The following NRXN3 variants were observed in gnomAD, a reference collection of about 807,000 sequenced individuals.
NRXN3 encodes neurexin 3.
In NRXN3, 32 loss-of-function variants were observed where a neutral mutation model predicts 137.6. The observed-to-expected ratio is 0.23, with a 90% CI of 0.18 to 0.31. NRXN3 has a LOEUF of 0.31. NRXN3 is among the 10% of genes least tolerant of loss of function. The pLI is 1.00. For synonymous variants in NRXN3, 798 were observed against 784.5 expected (o/e 1.02, Z -0.29); for missense variants, 1,574 against 2,062.5 (o/e 0.76, Z 4.59).
intron 20 of NRXN3, among the ~76,000 whole-genome samples, chr14:79,855,816 T>C (rs933557136): frequency 6.6e-6 from 1 of 152,190 alleles, no homozygotes; most frequent in Non-Finnish European, 1.5e-5. Flanking sequence ...ATACTTGATA[T>C]GCATTATTTT....
At chr14:79,486,804 A>G (rs1169448191) in intron 16 of NRXN3, among the ~76,000 whole-genome samples, 1 of 152,196 alleles carries the variant, frequency 6.6e-6, no homozygotes, top group Non-Finnish European at 1.5e-5. Context: ...TGAATGATGA[A>G]GAAGGAGAGG....
chr14:78,227,345 G>T (rs985796124), intron 1 of NRXN3, among the ~76,000 whole-genome samples: 1 of 150,668 alleles, frequency 6.6e-6, no homozygotes, highest in East Asian at 1.9e-4. Flanking sequence ...GTAGATGGGA[G>T]TTGAAAAAAA....
At chr14:79,506,227 A>T (rs1203077982) in intron 16 of NRXN3, among the ~76,000 whole-genome samples, 1 of 152,212 alleles carries the variant, frequency 6.6e-6, no homozygotes, top group East Asian at 1.9e-4. Context: ...CAAAAGAATG[A>T]CTACCAAGAA....
chr14:78,631,658 A>G (rs2097524080), intron 4 of NRXN3, among the ~76,000 whole-genome samples: 1 of 152,194 alleles, frequency 6.6e-6, no homozygotes, highest in Admixed American at 6.5e-5. Flanking sequence ...TCACAAATCA[A>G]CTAACCATTT....
At chr14:79,738,338 C>CAT (rs1223177355) in intron 19 of NRXN3, among the ~76,000 whole-genome samples, 4 of 149,942 alleles carry the variant, frequency 2.7e-5, no homozygotes, top group African/African-American at 9.9e-5. Context: ...CACACACACA[C>CAT]ACACACACAC....
At chr14:78,214,454 A>C (rs1195964778) in intron 1 of NRXN3, among the ~76,000 whole-genome samples, 2 of 152,152 alleles carry the variant, frequency 1.3e-5, no homozygotes, top group Non-Finnish European at 2.9e-5. Flanking sequence ...AGAAATTTCC[A>C]AAATTCCTGA....
chr14:78,681,988 C>T (rs1429007029), intron 6 of NRXN3, among the ~76,000 whole-genome samples: 1 of 152,104 alleles, frequency 6.6e-6, no homozygotes, highest in Non-Finnish European at 1.5e-5. Flanking sequence ...CTGCCTCAGC[C>T]TCTCCAGTAG....
At chr14:79,286,038 T>TG (rs1278268954) in intron 15 of NRXN3, among the ~76,000 whole-genome samples, 5 of 152,172 alleles carry the variant, frequency 3.3e-5, no homozygotes, top group Non-Finnish European at 5.9e-5. Flanking sequence ...TTTACAGATA[T>TG]GGGGAAAAAA....
At chr14:78,821,551 T>C (rs1020051774) in intron 10 of NRXN3, among the ~76,000 whole-genome samples, 1 of 152,032 alleles carries the variant, frequency 6.6e-6, no homozygotes, top group Non-Finnish European at 1.5e-5. Flanking sequence ...GCAGCAAATG[T>C]GTGTCAGATA....
chr14:78,741,070 T>C (rs960363724), intron 8 of NRXN3, among the ~76,000 whole-genome samples: 2 of 152,134 alleles, frequency 1.3e-5, no homozygotes, highest in African/African-American at 4.8e-5. Flanking sequence ...GCATGTTAGG[T>C]AGAGAAACCT....
intron 19 of NRXN3, among the ~76,000 whole-genome samples, chr14:79,719,259 G>GTA (rs200272866): frequency 1.4e-3 from 101 of 72,020 alleles, no homozygotes; most frequent in African/African-American, 4.4e-3. Flanking sequence ...ATATGTGTGT[G>GTA]TGTGTGTGTG....
At chr14:79,248,782 C>G (rs531671019) in intron 15 of NRXN3, 4 of 152,294 alleles carry the variant, frequency 2.6e-5, no homozygotes, top group African/African-American at 9.6e-5. Context: ...TATTCCAAAG[C>G]TAGCTTAAGG....
At chr14:78,464,516 A>G (rs2095038813) in intron 4 of NRXN3, among the ~76,000 whole-genome samples, 1 of 152,232 alleles carries the variant, frequency 6.6e-6, no homozygotes, top group Non-Finnish European at 1.5e-5. Flanking sequence ...GATTCTCTGA[A>G]GGCTTAAACT....
intron 17 of NRXN3, among the ~76,000 whole-genome samples, chr14:79,676,185 A>C (rs760234899): frequency 2.6e-4 from 40 of 152,080 alleles, no homozygotes; most frequent in Non-Finnish European, 4.7e-4. Context: ...GGACTAGCCC[A>C]CTTTAGAGGT....
chr14:79,818,840 G>T (rs944547779), intron 20 of NRXN3, among the ~76,000 whole-genome samples: 29 of 152,320 alleles, frequency 1.9e-4, no homozygotes, highest in African/African-American at 6.7e-4. Context: ...GTGTTTGCTT[G>T]TATTATAATC....
chr14:78,497,747 A>G (rs970272888), intron 4 of NRXN3, among the ~76,000 whole-genome samples: 1 of 152,192 alleles, frequency 6.6e-6, no homozygotes, highest in Non-Finnish European at 1.5e-5. Flanking sequence ...GGCTGTATGT[A>G]GCCTCAGACT....
rs192008955 is a variant in NRXN3, at chr14:78,961,877, C to T, written c.2396-4148C>T. Reference sequence around the variant, plus strand: ...GTCACTCTAAGAGCTGGTTTGTAGACTGCTTGTTGGCCATCAGTGCAATAT... The same window carrying T: ...GTCACTCTAAGAGCTGGTTTGTAGATTGCTTGTTGGCCATCAGTGCAATAT... On this transcript the variant is annotated intron_variant, in intron 11 of 20. Transcript: ENST00000335750. 3.9e-5 allele frequency among the ~76,000 whole-genome samples: 6 copies of T among 152,286 alleles called. No individual in the cohort carries two copies. The East Asian group carries it at 1.2e-3, about 29-fold the overall frequency.
chr14:79,276,353 T>C (rs1001091912), intron 15 of NRXN3, among the ~76,000 whole-genome samples: 3 of 152,128 alleles, frequency 2.0e-5, no homozygotes, highest in Non-Finnish European at 4.4e-5. Context: ...TTCATTTTAT[T>C]AGGATAATTG....
intron 19 of NRXN3, among the ~76,000 whole-genome samples, chr14:79,732,661 T>C (rs1358770906): frequency 6.6e-6 from 1 of 152,214 alleles, no homozygotes; most frequent in Admixed American, 6.5e-5. Flanking sequence ...AATAGCTACA[T>C]GTCTATGCAC....
Sources: allele counts gnomAD v4.1 joint callset (sites outside exome capture counted in the v4.1 genomes callset), GRCh38; gene constraint gnomAD v4.1.1; transcripts MANE v1.5; gene names NCBI Gene and HGNC (gene_info 2026-07-23, HGNC 2026-07-21).